RORA: variants seen among roughly 807,000 people sequenced by gnomAD.
RORA encodes the protein RAR related orphan receptor A, also known as nuclear receptor ROR-alpha.
RORA carries 7 observed loss-of-function variants against 69.5 expected under a neutral mutation model. The ratio of observed to expected loss-of-function variants is 0.10; its 90% CI spans 0.06 to 0.19. RORA has a LOEUF of 0.19. RORA is among the 10% of genes least tolerant of loss of function. The pLI is 1.00. For missense variants in RORA, 457 were observed against 663.0 expected (o/e 0.69, Z 3.41); for synonymous variants, 261 against 240.8 (o/e 1.08, Z -0.78).
At chr15:60,504,284 C>T (rs868505250) in intron 6 of RORA, among the ~76,000 whole-genome samples, 9 of 151,520 alleles carry the variant, frequency 5.9e-5, no homozygotes, top group Admixed American at 2.6e-4. Context: ...CGGTGGTTCA[C>T]GCCTGTAAAC....
chr15:60,548,713 C>T (rs898925374), intron 2 of RORA, among the ~76,000 whole-genome samples: 1 of 152,198 alleles, frequency 6.6e-6, no homozygotes, highest in Non-Finnish European at 1.5e-5. Context: ...TCTCGGCTCA[C>T]TGCAACCTCC....
chr15:60,708,599 T>C (rs556651421), intron 1 of RORA, among the ~76,000 whole-genome samples: 7 of 152,176 alleles, frequency 4.6e-5, no homozygotes, highest in Non-Finnish European at 8.8e-5. Context: ...GAATTTTCCA[T>C]AACACTTGCA....
At chr15:60,751,553 G>A (rs1278996093) in intron 1 of RORA, among the ~76,000 whole-genome samples, 6 of 152,114 alleles carry the variant, frequency 3.9e-5, no homozygotes, top group South Asian at 2.1e-4. Context: ...ATGATGTTGA[G>A]GTGTAAAGAG....
At chr15:60,558,041 G>C in intron 2 of RORA, 1 of 394,696 alleles carries the variant, frequency 2.5e-6, no homozygotes, top group Non-Finnish European at 4.5e-6. Context: ...CTCTGAATGG[G>C]AACCTTAGTA....
intron 1 of RORA, among the ~76,000 whole-genome samples, chr15:60,728,401 T>C (rs2071391115): frequency 6.6e-6 from 1 of 152,188 alleles, no homozygotes; most frequent in South Asian, 2.1e-4. Context: ...TGACCCTGCT[T>C]GTGTAGGGAC....
At chr15:61,184,247 G>A (rs1367695852) in intron 1 of RORA, among the ~76,000 whole-genome samples, 1 of 152,116 alleles carries the variant, frequency 6.6e-6, no homozygotes, top group Non-Finnish European at 1.5e-5. Context: ...CTTACACACT[G>A]AACGCTGAGA....
chr15:60,907,099 T>G (rs1262414400), intron 1 of RORA, among the ~76,000 whole-genome samples: 1 of 152,114 alleles, frequency 6.6e-6, no homozygotes, highest in Non-Finnish European at 1.5e-5. Flanking sequence ...GAGGGAGGTA[T>G]CATCATCATC....
At chr15:61,030,150 G>C (rs1896077148) in intron 1 of RORA, among the ~76,000 whole-genome samples, 1 of 152,182 alleles carries the variant, frequency 6.6e-6, no homozygotes, top group African/African-American at 2.4e-5. Flanking sequence ...CGCTAAGGAA[G>C]TGTTCACATT....
intron 1 of RORA, among the ~76,000 whole-genome samples, chr15:61,145,162 C>G (rs2079335630): frequency 6.6e-6 from 1 of 152,128 alleles, no homozygotes; most frequent in Non-Finnish European, 1.5e-5. Flanking sequence ...TTTTAAAAAT[C>G]TAGATGTATT....
At chr15:61,212,076 C>T (rs575947761) in intron 1 of RORA, 4 of 152,326 alleles carry the variant, frequency 2.6e-5, no homozygotes, top group African/African-American at 4.8e-5. Flanking sequence ...TTTCTCAAGA[C>T]CCTCTTTCAA....
At chr15:61,089,441 T>G (rs992173037) in intron 1 of RORA, among the ~76,000 whole-genome samples, 7 of 152,202 alleles carry the variant, frequency 4.6e-5, no homozygotes, top group African/African-American at 1.7e-4. Context: ...TGCACATACA[T>G]GCACACAAAC....
intron 1 of RORA, among the ~76,000 whole-genome samples, chr15:60,894,314 C>T (rs2414682): frequency 0.97 from 148,060 of 152,344 alleles, 72,061 homozygotes; most frequent in African/African-American, 0.98. Context: ...AATGCTTGTC[C>T]AGAGTTTTGT....
At chr15:60,781,562 G>A (rs1045374750) in intron 1 of RORA, among the ~76,000 whole-genome samples, 31 of 152,036 alleles carry the variant, frequency 2.0e-4, no homozygotes, top group African/African-American at 7.3e-4. Flanking sequence ...GCTGCTCCAC[G>A]GGCAAGTGCA....
intron 1 of RORA, among the ~76,000 whole-genome samples, chr15:61,210,516 C>G (rs2079981650): frequency 6.6e-6 from 1 of 152,174 alleles, no homozygotes; most frequent in Non-Finnish European, 1.5e-5. Flanking sequence ...ACTGCACAAC[C>G]TCTAACTTAT....
At chr15:60,886,132 C>T (rs1001666357) in intron 1 of RORA, among the ~76,000 whole-genome samples, 11 of 151,918 alleles carry the variant, frequency 7.2e-5, no homozygotes, top group Admixed American at 3.3e-4. Context: ...CTTCAGTAGC[C>T]GAGAAATTGT....
intron 1 of RORA, among the ~76,000 whole-genome samples, chr15:60,981,492 T>A (rs947918096): frequency 6.6e-6 from 1 of 152,142 alleles, no homozygotes; most frequent in African/African-American, 2.4e-5. Flanking sequence ...TTTTTCTTCA[T>A]CTTTTTCTTT....
rs79366273 is a variant in RORA at position 60,864,849 on chromosome 15, C to T, written c.167-186163G>A. Among the ~76,000 whole-genome samples, 5 of 152,282 alleles carry T rather than the reference C, an allele frequency of 3.3e-5. No individual in the cohort carries two copies. The East Asian group carries it at 9.7e-4, about 29-fold the overall frequency. ...TTATTTACTCACTTAGTAATTGCAA[C>T]GGTCTAGTGAAGCTTTAGGTTCCAA... On this transcript the variant is annotated intron_variant, in intron 1 of 10. Coordinates refer to ENST00000335670, the MANE Select transcript of RORA (RefSeq NM_134261.3).
chr15:60,554,309 A>G (rs2067300753), intron 2 of RORA, among the ~76,000 whole-genome samples: 1 of 152,254 alleles, frequency 6.6e-6, no homozygotes, highest in African/African-American at 2.4e-5. Flanking sequence ...GAAGTGTAAC[A>G]GTTAAATATT....
chr15:60,787,861 C>G (rs1393561535), intron 1 of RORA, among the ~76,000 whole-genome samples: 3 of 152,154 alleles, frequency 2.0e-5, no homozygotes, highest in Non-Finnish European at 4.4e-5. Flanking sequence ...TCAGAAAAAC[C>G]ATTCATTCAT....
Sources: gnomAD v4.1 joint callset for allele counts (sites outside exome capture counted in the v4.1 genomes callset) on GRCh38, gnomAD v4.1.1 for gene constraint, MANE v1.5 for transcripts, NCBI Gene and HGNC (gene_info 2026-07-23, HGNC 2026-07-21) for gene names.